Variants in LSAMP observed in about 807,000 individuals in gnomAD.
LSAMP encodes the protein limbic system associated membrane protein, also known as limbic system-associated membrane protein.
In LSAMP, 7 loss-of-function variants were observed where a neutral mutation model predicts 38.6. That is an observed-to-expected ratio of 0.18 (90% CI 0.10 to 0.34). The LOEUF (loss-of-function observed/expected upper bound fraction) is 0.34. Among genes scored for constraint, LSAMP ranks in the 10% least tolerant of loss-of-function variants. The pLI is 1.00. For synonymous variants in LSAMP, 154 were observed against 166.8 expected (o/e 0.92, Z 0.59); for missense variants, 313 against 420.0 (o/e 0.75, Z 2.23).
intron 2 of LSAMP, among the ~76,000 whole-genome samples, chr3:116,049,197 T>C (rs767980710): frequency 1.2e-4 from 18 of 152,208 alleles, no homozygotes; most frequent in Admixed American, 2.6e-4. Context: ...CTCTGCTTTC[T>C]GCCAAACAGA....
At chr3:116,247,423 T>C (rs1350081489) in intron 1 of LSAMP, among the ~76,000 whole-genome samples, 1 of 152,226 alleles carries the variant, frequency 6.6e-6, no homozygotes, top group Non-Finnish European at 1.5e-5. Context: ...TATTATCCTC[T>C]AAACACACTA....
chr3:116,353,656 A>G (rs1305555283), intron 1 of LSAMP, among the ~76,000 whole-genome samples: 14 of 152,210 alleles, frequency 9.2e-5, no homozygotes, highest in Admixed American at 9.2e-4. Context: ...TAGGCCAGTG[A>G]CAATACAAAA....
intron 1 of LSAMP, among the ~76,000 whole-genome samples, chr3:116,159,115 T>C (rs1296161040): frequency 6.6e-6 from 1 of 152,098 alleles, no homozygotes; most frequent in Non-Finnish European, 1.5e-5. Flanking sequence ...TAAAGACAGA[T>C]TGAAGACTTA....
rs114909922 is a variant in LSAMP, at chr3:115,926,832, C to T, written c.515-74215G>A. 9.2e-3 allele frequency among the ~76,000 whole-genome samples: 1,407 copies of T among 152,320 alleles called. 12 individuals are homozygous for T. Among genetic ancestry groups the T allele is most frequent in the Non-Finnish European group, 0.016 (1,060 of 68,030 alleles). On this transcript the variant is annotated intron_variant, in intron 3 of 6. Transcript: ENST00000490035. ...TTCACTTGGTCTAAAATAGGACCAT[C>T]TCCCATCTCTTCTTGACTTTTCTTT...
chr3:116,149,155 A>C (rs944605941), intron 1 of LSAMP, among the ~76,000 whole-genome samples: 1 of 152,008 alleles, frequency 6.6e-6, no homozygotes, highest in Non-Finnish European at 1.5e-5. Flanking sequence ...TGAACAGTTC[A>C]CAGTATGGCC....
At chr3:116,036,596 A>C (rs1019884080) in intron 2 of LSAMP, among the ~76,000 whole-genome samples, 3 of 152,218 alleles carry the variant, frequency 2.0e-5, no homozygotes, top group African/African-American at 7.2e-5. Context: ...GGCTACTTCC[A>C]GGCCCCTAAC....
intron 1 of LSAMP, among the ~76,000 whole-genome samples, chr3:116,405,460 T>G (rs897018733): frequency 2.0e-5 from 3 of 152,110 alleles, no homozygotes; most frequent in African/African-American, 7.2e-5. Context: ...CACTCTGAGA[T>G]GTTCTGTCTG....
At chr3:116,323,981 AC>A (rs1053746092) in intron 1 of LSAMP, among the ~76,000 whole-genome samples, 5 of 152,150 alleles carry the variant, frequency 3.3e-5, no homozygotes, top group African/African-American at 1.2e-4. Context: ...GTTTCTTTTC[AC>A]AGAACATTAA....
intron 2 of LSAMP, among the ~76,000 whole-genome samples, chr3:116,069,813 C>A (rs954949129): frequency 3.9e-5 from 6 of 151,994 alleles, no homozygotes; most frequent in Non-Finnish European, 7.4e-5. Context: ...GATAGATAGA[C>A]AGAAATGCTT....
intron 1 of LSAMP, among the ~76,000 whole-genome samples, chr3:116,247,066 T>C (rs1239889326): frequency 6.6e-6 from 1 of 152,178 alleles, no homozygotes; most frequent in African/African-American, 2.4e-5. Flanking sequence ...AAAAATTACA[T>C]AGAACAGTAT....
chr3:116,015,484 A>C (rs1317832104), intron 3 of LSAMP, among the ~76,000 whole-genome samples: 1 of 152,140 alleles, frequency 6.6e-6, no homozygotes, highest in African/African-American at 2.4e-5. Context: ...ATGAAAGTCT[A>C]ACTTAATTAA....
At chr3:116,312,818 C>T (rs1304029006) in intron 1 of LSAMP, among the ~76,000 whole-genome samples, 2 of 152,024 alleles carry the variant, frequency 1.3e-5, no homozygotes, top group African/African-American at 4.8e-5. Flanking sequence ...CCAAAAAATC[C>T]AATATTTGTC....
intron 3 of LSAMP, among the ~76,000 whole-genome samples, chr3:116,005,547 C>T (rs1461232213): frequency 3.9e-5 from 6 of 152,196 alleles, no homozygotes; most frequent in Non-Finnish European, 7.3e-5. Context: ...AAAGGCTTAG[C>T]AACATCACAC....
intron 1 of LSAMP, among the ~76,000 whole-genome samples, chr3:116,198,052 T>C (rs2045930260): frequency 6.6e-6 from 1 of 152,158 alleles, no homozygotes. Context: ...GCAAGAGCCA[T>C]TCGTGGTGAA....
intron 2 of LSAMP, among the ~76,000 whole-genome samples, chr3:116,038,832 C>T (rs572055577): frequency 2.0e-5 from 3 of 152,290 alleles, no homozygotes; most frequent in African/African-American, 7.2e-5. Context: ...CTGAGATCTT[C>T]CCTTATATTG....
intron 1 of LSAMP, among the ~76,000 whole-genome samples, chr3:116,200,197 G>A (rs1217667696): frequency 2.0e-5 from 3 of 151,878 alleles, no homozygotes; most frequent in Non-Finnish European, 4.4e-5. Context: ...CAGTTCATAC[G>A]AAATGCTAGC....
At chr3:116,393,710 AG>A (rs1268018887) in intron 1 of LSAMP, among the ~76,000 whole-genome samples, 1 of 152,224 alleles carries the variant, frequency 6.6e-6, no homozygotes, top group African/African-American at 2.4e-5. Flanking sequence ...TCTACTTTTT[AG>A]GGATGTCCAA....
chr3:115,831,291 AG>A (rs1393358176), intron 6 of LSAMP, among the ~76,000 whole-genome samples: 10 of 152,178 alleles, frequency 6.6e-5, no homozygotes, highest in Admixed American at 2.0e-4. Flanking sequence ...GACACATTCC[AG>A]GATTTGTTTT....
chr3:116,057,946 C>CAA (rs1340137431), intron 2 of LSAMP, among the ~76,000 whole-genome samples: 1 of 106,456 alleles, frequency 9.4e-6, no homozygotes, highest in Non-Finnish European at 2.1e-5. Context: ...CACACACACA[C>CAA]ACACACACAC....
Sources: allele counts gnomAD v4.1 joint callset (sites outside exome capture counted in the v4.1 genomes callset), GRCh38; gene constraint gnomAD v4.1.1; transcripts MANE v1.5; gene names NCBI Gene and HGNC (gene_info 2026-07-23, HGNC 2026-07-21).